Variants in PIBF1 observed in about 807,000 individuals in gnomAD.
The protein encoded by PIBF1 is progesterone immunomodulatory binding factor 1.
PIBF1 carries 90 observed loss-of-function variants against 112.5 expected under a neutral mutation model. The ratio of observed to expected loss-of-function variants is 0.80; its 90% confidence interval spans 0.67 to 0.95. The LOEUF (loss-of-function observed/expected upper bound fraction) is 0.95. Ranked by LOEUF, PIBF1 falls within the 40% of genes least tolerant of loss-of-function variation. The probability of loss-of-function intolerance (pLI) is 0.00; values close to 1 mark genes in which losing one functional copy is unlikely to be tolerated. For missense variants in PIBF1, 915 were observed against 852.3 expected (o/e 1.07, Z -0.92); for synonymous variants, 301 against 288.6 (o/e 1.04, Z -0.44).
At chr13:72,965,698 C>A (rs911724698) in intron 15 of PIBF1, among the ~76,000 whole-genome samples, 2 of 152,106 alleles carry the variant, frequency 1.3e-5, no homozygotes, top group Non-Finnish European at 2.9e-5. Context: ...CCCTAGAACT[C>A]TTTAGTGTGG....
intron 13 of PIBF1, among the ~76,000 whole-genome samples, chr13:72,926,640 A>G (rs1235238940): frequency 2.0e-5 from 3 of 152,186 alleles, no homozygotes; most frequent in Non-Finnish European, 4.4e-5. Flanking sequence ...ATCTCTGCCT[A>G]TATCTCTCTA....
chr13:72,991,740 A>G (rs1244187442), intron 16 of PIBF1, among the ~76,000 whole-genome samples: 1 of 146,218 alleles, frequency 6.8e-6, no homozygotes. Flanking sequence ...TTTTTTTTAG[A>G]TGGAGTCTCG....
intron 17 of PIBF1, among the ~76,000 whole-genome samples, chr13:73,008,590 C>T (rs957590746): frequency 6.6e-6 from 1 of 152,146 alleles, no homozygotes; most frequent in Admixed American, 6.6e-5. Context: ...ATAATTCCTG[C>T]CTCTGTGGAT....
At chr13:72,992,517 C>T (rs2043512682) in intron 16 of PIBF1, among the ~76,000 whole-genome samples, 1 of 152,100 alleles carries the variant, frequency 6.6e-6, no homozygotes, top group Non-Finnish European at 1.5e-5. Flanking sequence ...AGAGATTGTA[C>T]TCAATGGTGT....
intron 10 of PIBF1, among the ~76,000 whole-genome samples, chr13:72,875,784 G>A (rs1466095206): frequency 6.6e-6 from 1 of 152,124 alleles, no homozygotes; most frequent in Non-Finnish European, 1.5e-5. Context: ...TTTTAATAGG[G>A]TTGTTTGTTA....
chr13:73,012,791 T>C (rs539856001), intron 17 of PIBF1, among the ~76,000 whole-genome samples: 146 of 148,546 alleles, frequency 9.8e-4, no homozygotes, highest in African/African-American at 3.3e-3. Flanking sequence ...ATAAGGGTAT[T>C]GTAACAGAAA....
At chr13:72,785,191 A>G (rs180818408) in intron 2 of PIBF1, among the ~76,000 whole-genome samples, 11 of 152,302 alleles carry the variant, frequency 7.2e-5, no homozygotes, top group African/African-American at 2.6e-4. Context: ...AAAAATAAGC[A>G]CACAAGACGT....
chr13:72,826,530 G>A (rs1265877629), intron 6 of PIBF1, among the ~76,000 whole-genome samples: 3 of 152,060 alleles, frequency 2.0e-5, no homozygotes, highest in Non-Finnish European at 2.9e-5. Flanking sequence ...GTCTTAAAAT[G>A]GAAATTAAAA....
chr13:72,879,516 T>A (rs1006868673), intron 10 of PIBF1, among the ~76,000 whole-genome samples: 1 of 152,332 alleles, frequency 6.6e-6, no homozygotes, highest in Middle Eastern at 3.4e-3. Flanking sequence ...TGGAGAGGGC[T>A]CCAAATGACC....
chr13:72,945,460 C>T (rs2042124519), intron 14 of PIBF1, among the ~76,000 whole-genome samples: 1 of 152,162 alleles, frequency 6.6e-6, no homozygotes, highest in South Asian at 2.1e-4. Flanking sequence ...TGAGAAATCT[C>T]CAAACTGCTT....
chr13:72,992,796 C>T (rs939383495), intron 16 of PIBF1, among the ~76,000 whole-genome samples: 9 of 151,694 alleles, frequency 5.9e-5, no homozygotes, highest in African/African-American at 9.7e-5. Context: ...TAGAGCCAGA[C>T]CTTGTCTCAG....
At chr13:72,976,061 T>C (rs2043013409) in intron 16 of PIBF1, among the ~76,000 whole-genome samples, 1 of 152,118 alleles carries the variant, frequency 6.6e-6, no homozygotes, top group African/African-American at 2.4e-5. Context: ...CAAAAAACTT[T>C]GCGTGGTGGA....
chr13:72,816,336 G>A (rs2036272195), intron 5 of PIBF1, among the ~76,000 whole-genome samples: 1 of 152,158 alleles, frequency 6.6e-6, no homozygotes, highest in South Asian at 2.1e-4. Context: ...TGTGATGAAA[G>A]TTACCTTTCC....
intron 10 of PIBF1, among the ~76,000 whole-genome samples, chr13:72,892,785 T>TACACACACACACACACACACACAC (rs113653296): frequency 1.7e-4 from 24 of 140,796 alleles, no homozygotes; most frequent in Admixed American, 2.9e-4. Context: ...CCTCCTGCCT[T>TACACACACACACACACACACACAC]ACACACACAC....
At chr13:72,846,181 T>C (rs1181843366) in intron 9 of PIBF1, among the ~76,000 whole-genome samples, 4 of 152,170 alleles carry the variant, frequency 2.6e-5, no homozygotes, top group Non-Finnish European at 4.4e-5. Context: ...AAATTTCTGT[T>C]CCATTCTACC....
chr13:72,973,651 A>T lies in PIBF1; in HGVS notation c.2025A>T (p.Leu675Phe). 1 of 1,573,160 alleles carries T rather than the reference A, an allele frequency of 6.4e-7. No individual in the cohort carries two copies. Among genetic ancestry groups the T allele is most frequent in the Non-Finnish European group, 8.7e-7 (1 of 1,152,412 alleles). The change falls in exon 16 of 18, where the codon TTA becomes TTT. Residue 675 changes from leucine to phenylalanine, a missense_variant. Transcript: ENST00000326291. ...LQTKNQMALD[L>F]EQLLNHREEL... Reference sequence around the variant, plus strand: ...CGAAGAATCAAATGGCATTAGATTTAGAACAACTTCTAAATCATCGTGAGG... The same window carrying T: ...CGAAGAATCAAATGGCATTAGATTTTGAACAACTTCTAAATCATCGTGAGG...
chr13:72,804,649 G>C (rs1202276982), intron 5 of PIBF1, among the ~76,000 whole-genome samples: 2 of 152,188 alleles, frequency 1.3e-5, no homozygotes, highest in Non-Finnish European at 2.9e-5. Context: ...CACTTCAAGA[G>C]AGATGGGTTG....
chr13:73,000,810 G>A (rs757731563), intron 17 of PIBF1, among the ~76,000 whole-genome samples: 1 of 152,174 alleles, frequency 6.6e-6, no homozygotes, highest in Non-Finnish European at 1.5e-5. Context: ...TAATCAATCA[G>A]TACATGAGTA....
chr13:72,901,464 G>A (rs577251955), intron 11 of PIBF1, among the ~76,000 whole-genome samples: 44 of 152,230 alleles, frequency 2.9e-4, no homozygotes, highest in African/African-American at 8.7e-4. Flanking sequence ...CGAGGCAGGC[G>A]GATCACCTGA....
Sources: allele counts gnomAD v4.1 joint callset (sites outside exome capture counted in the v4.1 genomes callset), GRCh38; gene constraint gnomAD v4.1.1; transcripts MANE v1.5; gene names NCBI Gene and HGNC (gene_info 2026-07-23, HGNC 2026-07-21).